NEBL: variants seen among roughly 807,000 people sequenced by gnomAD.
The protein encoded by NEBL is nebulette, also known as LIM and SH3 protein 2.
NEBL carries 122 observed loss-of-function variants against 140.2 expected under a neutral mutation model. The observed-to-expected ratio is 0.87, with a 90% CI of 0.75 to 1.01. The LOEUF (loss-of-function observed/expected upper bound fraction) is 1.01, where lower values mean the gene tolerates loss of function less well. NEBL is among the 50% of genes least tolerant of loss of function. The probability of loss-of-function intolerance (pLI) is 0.00; values close to 1 mark genes in which losing one functional copy is unlikely to be tolerated. For missense variants in NEBL, 1,365 were observed against 1,231.3 expected (o/e 1.11, Z -1.62); for synonymous variants, 436 against 398.9 (o/e 1.09, Z -1.11).
intron 4 of NEBL, among the ~76,000 whole-genome samples, chr10:20,942,770 T>C (rs1589050357): frequency 6.6e-6 from 1 of 151,766 alleles, no homozygotes; most frequent in Non-Finnish European, 1.5e-5. Flanking sequence ...CATCAAAAAG[T>C]GGGTGAAGGA....
At chr10:20,792,208 T>C (rs1324705078) in intron 26 of NEBL, among the ~76,000 whole-genome samples, 2 of 151,946 alleles carry the variant, frequency 1.3e-5, no homozygotes, top group East Asian at 1.9e-4. Context: ...AGAAAATAAT[T>C]TGGGTTTTTT....
chr10:21,062,577 C>T (rs1835353452), intron 2 of NEBL, among the ~76,000 whole-genome samples: 2 of 152,082 alleles, frequency 1.3e-5, no homozygotes, highest in South Asian at 4.2e-4. Context: ...GTCCCAGCTA[C>T]ACCAGATGCT....
At chr10:21,135,081 T>C (rs1480261761) in intron 2 of NEBL, among the ~76,000 whole-genome samples, 3 of 152,218 alleles carry the variant, frequency 2.0e-5, no homozygotes, top group Non-Finnish European at 4.4e-5. Flanking sequence ...TGGACACCTC[T>C]TGTGAGTCAT....
chr10:20,859,954 C>G, intron 7 of NEBL, 128 bp from the exon 8 acceptor site: 1 of 569,682 alleles, frequency 1.8e-6, no homozygotes, highest in Admixed American at 3.5e-5. Flanking sequence ...GTATCCATCG[C>G]CTTCTATAAA....
intron 3 of NEBL, among the ~76,000 whole-genome samples, chr10:21,016,100 C>T (rs767354428): frequency 1.3e-5 from 2 of 152,260 alleles, no homozygotes; most frequent in Non-Finnish European, 2.9e-5. Flanking sequence ...ACTCTTCATG[C>T]TATTTCTTTG....
chr10:20,885,882 T>C (rs918802280), intron 4 of NEBL, among the ~76,000 whole-genome samples: 3 of 152,204 alleles, frequency 2.0e-5, no homozygotes, highest in African/African-American at 7.2e-5. Context: ...ATGCAGAACG[T>C]TGACATCATA....
chr10:20,944,402 T>A (rs921298683), intron 4 of NEBL, among the ~76,000 whole-genome samples: 1 of 151,968 alleles, frequency 6.6e-6, no homozygotes, highest in Non-Finnish European at 1.5e-5. Flanking sequence ...CCCTGTCTCA[T>A]AATAAAATAA....
intron 20 of NEBL, among the ~76,000 whole-genome samples, chr10:20,818,402 G>T (rs1217866357): frequency 1.3e-5 from 2 of 152,084 alleles, no homozygotes; most frequent in Non-Finnish European, 2.9e-5. Flanking sequence ...TGACCTCATG[G>T]GTTTACATAG....
chr10:21,190,530 G>A (rs957158014), intron 3 of NEBL, among the ~76,000 whole-genome samples: 3 of 152,076 alleles, frequency 2.0e-5, no homozygotes, highest in African/African-American at 7.2e-5. Flanking sequence ...GTACATCTCT[G>A]AGTAGTTAAT....
intron 1 of NEBL, among the ~76,000 whole-genome samples, chr10:21,281,532 T>C (rs1196127417): frequency 6.6e-6 from 1 of 151,920 alleles, no homozygotes; most frequent in Non-Finnish European, 1.5e-5. Context: ...CATTTTAGGT[T>C]GACATGAAAT....
At chr10:20,851,122 T>C (rs906102693) in intron 10 of NEBL, among the ~76,000 whole-genome samples, 12 of 152,246 alleles carry the variant, frequency 7.9e-5, no homozygotes, top group Admixed American at 7.2e-4. Context: ...AAATGAGTGA[T>C]ATTTTTTATC....
At chr10:21,172,696 A>G (rs1841133469) in intron 1 of NEBL, among the ~76,000 whole-genome samples, 1 of 152,132 alleles carries the variant, frequency 6.6e-6, no homozygotes, top group Non-Finnish European at 1.5e-5. Context: ...CCACCGCAAT[A>G]CACAGACGCA....
At chr10:21,012,977 C>G (rs1182604358) in intron 3 of NEBL, among the ~76,000 whole-genome samples, 1 of 152,056 alleles carries the variant, frequency 6.6e-6, no homozygotes, top group Non-Finnish European at 1.5e-5. Flanking sequence ...ATTAAAGGGT[C>G]GAAAACCTAG....
In NEBL at chr10:20,978,430, C is replaced by CA. The variant is rs113790766; in HGVS notation, c.250-16652dup. ...AGTAAAATTAACAAGAAAAGCTAAC[C>CA]AAAAAAAAAAACGAGTTATTTGATT... is the stretch of plus-strand genomic sequence containing the variant. On this transcript the variant is annotated intron_variant, in intron 3 of 6. Transcript: ENST00000417816. 0.022 allele frequency among the ~76,000 whole-genome samples: 3,008 copies of CA among 134,850 alleles called. 379 individuals are homozygous for CA. In the East Asian group the frequency reaches 0.38, roughly 17 times the overall value. 88.5% of individuals were successfully genotyped at this position (134,850 alleles called of 152,430 possible). A position where few individuals can be genotyped will look rare whatever the true frequency, so the allele number is the denominator to read the frequency against.
intron 9 of NEBL, among the ~76,000 whole-genome samples, 193 bp from the exon 10 acceptor site, chr10:20,852,842 C>A (rs1439971861): frequency 2.0e-5 from 3 of 152,144 alleles, no homozygotes; most frequent in Non-Finnish European, 4.4e-5. Flanking sequence ...CAGACCAGCT[C>A]TAGGTCAGCA....
At chr10:20,953,941 C>T (rs921977659) in intron 4 of NEBL, among the ~76,000 whole-genome samples, 5 of 151,076 alleles carry the variant, frequency 3.3e-5, no homozygotes, top group African/African-American at 1.2e-4. Context: ...TAGACTCATT[C>T]CTTGCTCCAC....
At chr10:20,918,273 G>T (rs1025965580) in intron 4 of NEBL, among the ~76,000 whole-genome samples, 1 of 152,046 alleles carries the variant, frequency 6.6e-6, no homozygotes, top group Non-Finnish European at 1.5e-5. Context: ...CAGGAGAATC[G>T]CTTGAACCCA....
intron 2 of NEBL, among the ~76,000 whole-genome samples, chr10:21,051,736 T>C (rs1834788211): frequency 6.6e-6 from 1 of 152,256 alleles, no homozygotes; most frequent in South Asian, 2.1e-4. Flanking sequence ...TTTTCTTAAA[T>C]GTCCTAACTA....
At chr10:21,092,063 A>T (rs894800825) in intron 2 of NEBL, among the ~76,000 whole-genome samples, 14 of 152,238 alleles carry the variant, frequency 9.2e-5, no homozygotes, top group African/African-American at 3.1e-4. Context: ...TATCTTACAG[A>T]GTATCAGCAA....
Sources: allele counts gnomAD v4.1 joint callset (sites outside exome capture counted in the v4.1 genomes callset), GRCh38; gene constraint gnomAD v4.1.1; transcripts MANE v1.5; gene names NCBI Gene and HGNC (gene_info 2026-07-23, HGNC 2026-07-21).